GTF2A1: variants seen among roughly 807,000 people sequenced by gnomAD.
GTF2A1 encodes transcription initiation factor IIA subunit 1.
GTF2A1 carries 12 observed loss-of-function variants against 54.1 expected under a neutral mutation model. The observed-to-expected ratio is 0.22, with a 90% confidence interval of 0.14 to 0.36. GTF2A1 has a LOEUF of 0.36. Among genes scored for constraint, GTF2A1 ranks in the 10% least tolerant of loss-of-function variants. GTF2A1 has a pLI of 1.00. For synonymous variants in GTF2A1, 145 were observed against 152.0 expected, an observed-to-expected ratio of 0.95 and a Z score of 0.34; for missense variants, 335 against 442.2, an observed-to-expected ratio of 0.76 and a Z score of 2.17.
intron 2 of GTF2A1, among the ~76,000 whole-genome samples, chr14:81,205,695 G>C (rs933814458): frequency 2.6e-5 from 4 of 152,122 alleles, no homozygotes; most frequent in Admixed American, 2.6e-4. Flanking sequence ...TCACCCAAAA[G>C]GGGAACCAAC....
intron 2 of GTF2A1, among the ~76,000 whole-genome samples, chr14:81,214,645 CAA>C (rs760706461): frequency 5.5e-5 from 6 of 109,580 alleles, no homozygotes; most frequent in Admixed American, 9.7e-5. Flanking sequence ...AACTCCGTCT[CAA>C]AAAAAAAAAA....
rs1322497746 is a variant in GTF2A1, at chr14:81,179,937, C to A, written c.*286G>T. 4.8e-6 allele frequency: 1 copy of A among 206,358 alleles called. No homozygotes were observed. The highest frequency in any genetic ancestry group is 2.3e-5 in the African/African-American group (1 of 43,624). 12.8% of individuals were successfully genotyped at this position (206,358 alleles called of 1,614,324 possible). A position where few individuals can be genotyped will look rare whatever the true frequency, so the allele number is the denominator to read the frequency against. On this transcript the variant is annotated 3_prime_UTR_variant, in exon 9 of 9. Coordinates refer to ENST00000553612, the MANE Select transcript of GTF2A1 (RefSeq NM_015859.4). Reference sequence around the variant, plus strand: ...AGGAATATAGACAAAGCTTTACATGCTAATTACCGGTGGCAGGTACCTGTA... The same window carrying A: ...AGGAATATAGACAAAGCTTTACATGATAATTACCGGTGGCAGGTACCTGTA...
intron 4 of GTF2A1, among the ~76,000 whole-genome samples, chr14:81,200,228 G>A (rs1893074870): frequency 6.6e-6 from 1 of 152,116 alleles, no homozygotes; most frequent in South Asian, 2.1e-4. Context: ...TGTCTAGTGG[G>A]TAAGCCCTTC....
At chr14:81,193,340 T>C (rs550592960) in intron 6 of GTF2A1, among the ~76,000 whole-genome samples, 1 of 152,158 alleles carries the variant, frequency 6.6e-6, no homozygotes, top group South Asian at 2.1e-4. Flanking sequence ...CTAATTTTGT[T>C]ATTTTTAGCA....
chr14:81,201,436 A>G (rs1260631053), intron 4 of GTF2A1, among the ~76,000 whole-genome samples, 158 bp downstream of exon 4: 1 of 152,214 alleles, frequency 6.6e-6, no homozygotes, highest in Non-Finnish European at 1.5e-5. Context: ...CTAGGTACCA[A>G]GCTAAACTTC....
intron 6 of GTF2A1, among the ~76,000 whole-genome samples, chr14:81,193,188 A>G (rs903632277): frequency 8.1e-5 from 12 of 148,234 alleles, no homozygotes; most frequent in Admixed American, 6.1e-4. Flanking sequence ...TTTTTTATAG[A>G]TGGAGTCTCG....
intron 1 of GTF2A1, 50 bp from the exon 2 acceptor site, chr14:81,216,564 TA>T (rs1555390829): frequency 6.2e-6 from 5 of 808,126 alleles, no homozygotes; most frequent in Non-Finnish European, 1.0e-5. Flanking sequence ...TCACAGCTTA[TA>T]ATGTATAACA....
intron 7 of GTF2A1, among the ~76,000 whole-genome samples, chr14:81,187,565 T>C (rs1178350593): frequency 1.3e-5 from 2 of 152,218 alleles, no homozygotes; most frequent in African/African-American, 2.4e-5. Context: ...CTGCTGTCTG[T>C]ATGGATTTGC....
intron 3 of GTF2A1, among the ~76,000 whole-genome samples, chr14:81,202,541 A>T (rs1198040396): frequency 6.6e-6 from 1 of 152,186 alleles, no homozygotes; most frequent in African/African-American, 2.4e-5. Flanking sequence ...TGTATGTGCT[A>T]TGCTGATCAG....
At chr14:81,196,747 A>C (rs1041039759) in intron 5 of GTF2A1, among the ~76,000 whole-genome samples, 1 of 152,242 alleles carries the variant, frequency 6.6e-6, no homozygotes, top group African/African-American at 2.4e-5. Context: ...ACACAGAATC[A>C]AATTCCCCCA....
chr14:81,205,976 C>T (rs921037241), intron 2 of GTF2A1, among the ~76,000 whole-genome samples: 7 of 152,154 alleles, frequency 4.6e-5, no homozygotes, highest in African/African-American at 1.7e-4. Context: ...ACATCTTCTC[C>T]TCTCTTCCAA....
chr14:81,218,526 A>G (rs1233873840), intron 1 of GTF2A1, among the ~76,000 whole-genome samples: 2 of 152,200 alleles, frequency 1.3e-5, no homozygotes, highest in Non-Finnish European at 2.9e-5. Context: ...GAAATAAGCA[A>G]TTTCTAAATT....
chr14:81,217,237 G>A lies in GTF2A1; in HGVS notation c.31-723C>T, dbSNP rs569486694. Among the ~76,000 whole-genome samples, 44 of 152,328 alleles carry A rather than the reference G, an allele frequency of 2.9e-4. 1 individual carries two copies. In the South Asian group the frequency reaches 8.9e-3, roughly 31 times the overall value. On this transcript the variant is annotated intron_variant, in intron 1 of 8. Coordinates refer to ENST00000553612, the MANE Select transcript of GTF2A1 (RefSeq NM_015859.4). ...CGGGAAGTAAAGAAGCTGGCTTCTA[G>A]AAGGTTGAATGGTAAAATGAGTAAA...
intron 4 of GTF2A1, among the ~76,000 whole-genome samples, chr14:81,199,585 C>T (rs1252546275): frequency 1.3e-5 from 2 of 152,090 alleles, no homozygotes; most frequent in African/African-American, 4.8e-5. Context: ...TTTATTGGTA[C>T]AGAGCCTATA....
chr14:81,220,578 C>CAA lies in GTF2A1; in HGVS notation c.-62_-61dup, dbSNP rs1039595901. ...CAAGAAAACAAGATAAAAACAAAAC[C>CAA]AAAAAAAAAAAAACTATAACACCCG... On this transcript the variant is annotated 5_prime_UTR_variant, in exon 1 of 9. Coordinates refer to ENST00000553612, the MANE Select transcript of GTF2A1 (RefSeq NM_015859.4). 3.3e-3 allele frequency: 3,220 copies of CAA among 984,822 alleles called. No homozygotes were observed. Among genetic ancestry groups the CAA allele is most frequent in the South Asian group, 5.5e-3 (309 of 55,712 alleles). 61.0% of individuals were successfully genotyped at this position (984,822 alleles called of 1,614,324 possible). A position where few individuals can be genotyped will look rare whatever the true frequency, so the allele number is the denominator to read the frequency against.
chr14:81,193,518 C>T (rs1187435161), intron 6 of GTF2A1, among the ~76,000 whole-genome samples: 1 of 152,184 alleles, frequency 6.6e-6, no homozygotes, highest in Non-Finnish European at 1.5e-5. Flanking sequence ...AGTCATTTAA[C>T]TCCTCTTGGC....
chr14:81,185,325 A>C (rs958662321), intron 8 of GTF2A1, among the ~76,000 whole-genome samples: 1 of 152,180 alleles, frequency 6.6e-6, no homozygotes, highest in Non-Finnish European at 1.5e-5. Context: ...TTCATTCATA[A>C]CTTATTTTTC....
At chr14:81,188,129 T>C (rs1199216135) in intron 7 of GTF2A1, among the ~76,000 whole-genome samples, 1 of 152,276 alleles carries the variant, frequency 6.6e-6, no homozygotes, top group Non-Finnish European at 1.5e-5. Flanking sequence ...GTATCTTCTT[T>C]GGAGAAATGT....
At chr14:81,187,761 T>C (rs1248840414) in intron 7 of GTF2A1, among the ~76,000 whole-genome samples, 1 of 152,224 alleles carries the variant, frequency 6.6e-6, no homozygotes, top group Non-Finnish European at 1.5e-5. Flanking sequence ...ACCACTTGGA[T>C]ATCATAAATA....
Sources: allele counts gnomAD v4.1 joint callset (sites outside exome capture counted in the v4.1 genomes callset), GRCh38; gene constraint gnomAD v4.1.1; transcripts MANE v1.5; gene names NCBI Gene and HGNC (gene_info 2026-07-23, HGNC 2026-07-21).